The following KAT2B variants were observed in gnomAD, a reference collection of about 807,000 sequenced individuals.
The protein encoded by KAT2B is lysine acetyltransferase 2B, also known as histone acetyltransferase KAT2B.
Under a neutral mutation model 105.9 loss-of-function variants are expected in KAT2B, and 36 were observed. That is an observed-to-expected ratio of 0.34 (90% CI 0.26 to 0.45). KAT2B has a LOEUF of 0.45. KAT2B is among the 20% of genes least tolerant of loss of function. The probability of loss-of-function intolerance (pLI) is 1.00; values close to 1 mark genes in which losing one functional copy is unlikely to be tolerated. For missense variants in KAT2B, 820 were observed against 1,021.6 expected, an observed-to-expected ratio of 0.80 and a Z score of 2.69; for synonymous variants, 397 against 377.9, an observed-to-expected ratio of 1.05 and a Z score of -0.59.
At chr3:20,116,460 A>C (rs1006037179) in intron 7 of KAT2B, among the ~76,000 whole-genome samples, 1 of 152,142 alleles carries the variant, frequency 6.6e-6, no homozygotes, top group African/African-American at 2.4e-5. Flanking sequence ...TTTGAAATGC[A>C]CTGTATACTG....
intron 1 of KAT2B, among the ~76,000 whole-genome samples, chr3:20,060,957 C>T (rs1253213100): frequency 6.6e-6 from 1 of 151,944 alleles, no homozygotes; most frequent in Non-Finnish European, 1.5e-5. Flanking sequence ...ACAACAACAA[C>T]AACAACAACA....
At chr3:20,132,530 A>G (rs1012378018) in intron 11 of KAT2B, among the ~76,000 whole-genome samples, 1 of 152,234 alleles carries the variant, frequency 6.6e-6, no homozygotes, top group African/African-American at 2.4e-5. Context: ...TGTACAAACA[A>G]GGGGAAATAG....
At chr3:20,046,401 G>T (rs1288204364) in intron 1 of KAT2B, among the ~76,000 whole-genome samples, 5 of 152,092 alleles carry the variant, frequency 3.3e-5, no homozygotes, top group African/African-American at 1.2e-4. Context: ...GGGCAACATG[G>T]TGAAACCCTG....
chr3:20,072,491 C>G (rs756102146), intron 2 of KAT2B, 32 bp downstream of exon 2: 2 of 1,605,708 alleles, frequency 1.2e-6, no homozygotes, highest in South Asian at 2.2e-5. Flanking sequence ...GAAAGTATAA[C>G]GAGTTCATTG....
intron 1 of KAT2B, among the ~76,000 whole-genome samples, chr3:20,058,453 CAAAA>C (rs35239760): frequency 5.4e-5 from 4 of 74,540 alleles, no homozygotes; most frequent in Non-Finnish European, 7.5e-5. Flanking sequence ...GACTCTGTCT[CAAAA>C]AAAAAAAAAA....
rs1387077314 is a variant in KAT2B, at chr3:20,040,558, G to A, written c.81G>A (p.Pro27=). 4.7e-6 allele frequency: 5 copies of A among 1,065,956 alleles called. No homozygotes were observed. The highest frequency in any genetic ancestry group is 4.5e-6 in the Non-Finnish European group (4 of 883,394). The allele number at this position is 1,065,956 out of a possible 1,614,324, so 66.0% of individuals were successfully genotyped here. A position where few individuals can be genotyped will look rare whatever the true frequency, so the allele number is the denominator to read the frequency against. ...GAGAGPGALP[P]QPAALPPAPP... The stretch of plus-strand genomic sequence containing the variant: ...GGGCCGGGCCCGGGGCGCTGCCCCC[G>A]CAGCCTGCGGCGCTTCCGCCCGCGC... Residue 27 remains proline (P), a synonymous_variant, in exon 1 of 18, where the codon CCG becomes CCA. Transcript: ENST00000263754.
At chr3:20,074,140 T>C (rs571283425) in intron 2 of KAT2B, among the ~76,000 whole-genome samples, 77 of 152,184 alleles carry the variant, frequency 5.1e-4, no homozygotes, top group African/African-American at 1.7e-3. Context: ...ATGCCAGAAA[T>C]TTAATCTGTG....
At chr3:20,091,382 TTTTA>T (rs1249969741) in intron 2 of KAT2B, among the ~76,000 whole-genome samples, 1 of 152,120 alleles carries the variant, frequency 6.6e-6, no homozygotes, top group African/African-American at 2.4e-5. Flanking sequence ...GAGTCTTCTC[TTTTA>T]TTTCTTTTGT....
chr3:20,137,544 T>TG (rs1174214946), intron 12 of KAT2B: 1 of 155,054 alleles, frequency 6.4e-6, no homozygotes, highest in East Asian at 1.9e-4. Flanking sequence ...TCCCTTCCTT[T>TG]TTTTTTTTTG....
rs78378591 is a variant in KAT2B, at chr3:20,124,181, C to G, written c.1413+1377C>G. 2.9e-3 allele frequency among the ~76,000 whole-genome samples: 434 copies of G among 152,136 alleles called. 2 individuals carry two copies. The highest frequency in any genetic ancestry group is 9.9e-3 in the African/African-American group (412 of 41,504). The stretch of plus-strand genomic sequence containing the variant: ...GGGATTTAGTAACATTACAGATTAG[C>G]TGAGTTTAGGTTTTTTTCAGCTATA... On this transcript the variant is annotated intron_variant, in intron 9 of 17. Transcript: ENST00000263754.
At chr3:20,105,464 C>A (rs897376900) in intron 5 of KAT2B, among the ~76,000 whole-genome samples, 5 of 152,094 alleles carry the variant, frequency 3.3e-5, no homozygotes, top group African/African-American at 1.2e-4. Flanking sequence ...TACCCCCACA[C>A]TGGGGAGATG....
chr3:20,116,018 T>C (rs1699201212), intron 7 of KAT2B, among the ~76,000 whole-genome samples: 1 of 152,220 alleles, frequency 6.6e-6, no homozygotes, highest in Non-Finnish European at 1.5e-5. Context: ...AGGAATTTTA[T>C]TTGAATCATA....
At chr3:20,085,675 T>A (rs1698601262) in intron 2 of KAT2B, among the ~76,000 whole-genome samples, 1 of 151,952 alleles carries the variant, frequency 6.6e-6, no homozygotes, top group African/African-American at 2.4e-5. Flanking sequence ...CACACCCGGC[T>A]ATTTTTTGTG....
At chr3:20,073,369 A>C (rs549006529) in intron 2 of KAT2B, among the ~76,000 whole-genome samples, 1 of 152,136 alleles carries the variant, frequency 6.6e-6, no homozygotes, top group Non-Finnish European at 1.5e-5. Flanking sequence ...GTGACTTCTT[A>C]TGCCATCATT....
intron 6 of KAT2B, among the ~76,000 whole-genome samples, chr3:20,113,723 G>A (rs926332481): frequency 4.6e-5 from 7 of 152,156 alleles, no homozygotes; most frequent in African/African-American, 1.7e-4. Context: ...GCTGGGACCG[G>A]CTTCCCAGCA....
chr3:20,118,102 A>G (rs1189150960), intron 7 of KAT2B, among the ~76,000 whole-genome samples: 1 of 148,586 alleles, frequency 6.7e-6, no homozygotes, highest in African/African-American at 2.5e-5. Context: ...AATTCTCTCC[A>G]CTCTTCCCCT....
intron 2 of KAT2B, among the ~76,000 whole-genome samples, chr3:20,086,661 C>G (rs537011857): frequency 2.0e-5 from 3 of 152,300 alleles, no homozygotes; most frequent in South Asian, 2.1e-4. Context: ...TATTCCTCAT[C>G]ATGGGTCCAT....
chr3:20,123,382 G>A (rs1401436632), intron 9 of KAT2B, among the ~76,000 whole-genome samples: 1 of 152,130 alleles, frequency 6.6e-6, no homozygotes, highest in Non-Finnish European at 1.5e-5. Context: ...TTCTAATACA[G>A]GGTTGGTGAA....
At chr3:20,148,868 T>C (rs1427259930) in intron 17 of KAT2B, 2 of 170,508 alleles carry the variant, frequency 1.2e-5, no homozygotes, top group Non-Finnish European at 2.5e-5. Context: ...CGTAAATAGG[T>C]ATTCCTTTGA....
Sources: gnomAD v4.1 joint callset for allele counts (sites outside exome capture counted in the v4.1 genomes callset) on GRCh38, gnomAD v4.1.1 for gene constraint, MANE v1.5 for transcripts, NCBI Gene and HGNC (gene_info 2026-07-23, HGNC 2026-07-21) for gene names.